TTC29: variants seen among roughly 807,000 people sequenced by gnomAD.
TTC29 encodes tetratricopeptide repeat domain 29.
In TTC29, 49 loss-of-function variants were observed where a neutral mutation model predicts 58.1. The observed-to-expected ratio is 0.84, with a 90% CI of 0.67 to 1.07. The LOEUF (loss-of-function observed/expected upper bound fraction) is 1.07, where lower values mean the gene tolerates loss of function less well. TTC29 is among the 50% of genes least tolerant of loss of function. The pLI is 0.00. For missense variants in TTC29, 582 were observed against 555.6 expected (o/e 1.05, Z -0.48); for synonymous variants, 209 against 196.8 (o/e 1.06, Z -0.52).
At chr4:146,754,370 A>G (rs1234686172) in intron 11 of TTC29, among the ~76,000 whole-genome samples, 5 of 152,108 alleles carry the variant, frequency 3.3e-5, no homozygotes, top group Admixed American at 3.3e-4. Flanking sequence ...TCTCGCAAAC[A>G]TACAAAGAAG....
chr4:146,713,556 GA>G (rs1742687298), intron 11 of TTC29, among the ~76,000 whole-genome samples: 1 of 152,098 alleles, frequency 6.6e-6, no homozygotes, highest in South Asian at 2.1e-4. Context: ...AAATAATCAA[GA>G]TGGAAACTTT....
intron 3 of TTC29, 96 bp downstream of exon 3, chr4:146,939,708 C>T: frequency 1.7e-6 from 2 of 1,183,028 alleles, no homozygotes; most frequent in Admixed American, 5.5e-5. Context: ...TTTCTCTTCT[C>T]TTGAAATGAT....
At chr4:146,893,565 G>A (rs1364086585) in intron 6 of TTC29, among the ~76,000 whole-genome samples, 1 of 151,912 alleles carries the variant, frequency 6.6e-6, no homozygotes, top group Non-Finnish European at 1.5e-5. Context: ...TGTTAGACCT[G>A]AAACCATAAA....
chr4:146,713,058 C>T (rs1370818416), intron 11 of TTC29, among the ~76,000 whole-genome samples: 1 of 149,646 alleles, frequency 6.7e-6, no homozygotes, highest in Non-Finnish European at 1.5e-5. Flanking sequence ...CTGTGTGATG[C>T]AGTCTGAAGT....
At position 146,707,502 on chromosome 4, in the gene TTC29, A is replaced by G; in HGVS notation, c.1380T>C (p.Arg460=). 6.2e-6 allele frequency: 10 copies of G among 1,610,686 alleles called. No individual in the cohort carries two copies. Among genetic ancestry groups the G allele is most frequent in the Non-Finnish European group, 8.5e-6 (10 of 1,178,784 alleles). Residue 460 remains arginine (R), a synonymous_variant, in exon 12 of 13, where the codon CGT becomes CGC. Coordinates refer to ENST00000325106, the MANE Select transcript of TTC29 (RefSeq NM_031956.4). ...TATCATACCTACTGAGTTCTTCCAAACGTTCTGAGTTTTGAGATACAGCTT... is the reference window on the plus strand; with the variant it reads ...TATCATACCTACTGAGTTCTTCCAAGCGTTCTGAGTTTTGAGATACAGCTT... ...TVEAVSQNSE[R]LEELSRFPGD...
At chr4:146,784,423 A>G (rs1022556067) in intron 11 of TTC29, among the ~76,000 whole-genome samples, 1 of 152,076 alleles carries the variant, frequency 6.6e-6, no homozygotes, top group African/African-American at 2.4e-5. Context: ...GGTAGGTGCT[A>G]TGGTGTGAAT....
chr4:146,943,499 CAGG>C (rs1270980594), intron 2 of TTC29, among the ~76,000 whole-genome samples: 2 of 152,044 alleles, frequency 1.3e-5, no homozygotes, highest in African/African-American at 4.8e-5. Flanking sequence ...AGCTTAGAGT[CAGG>C]ATGGAAGTTG....
intron 4 of TTC29, among the ~76,000 whole-genome samples, chr4:146,911,095 C>A (rs539639262): frequency 1.2e-4 from 19 of 152,248 alleles, no homozygotes; most frequent in African/African-American, 4.3e-4. Context: ...TTACCAACAT[C>A]CCTCTCCCCA....
At chr4:146,781,347 C>T (rs1748585472) in intron 11 of TTC29, among the ~76,000 whole-genome samples, 2 of 151,778 alleles carry the variant, frequency 1.3e-5, no homozygotes. Flanking sequence ...GTCATATTAA[C>T]CTCTAGAGAA....
chr4:146,889,079 T>C (rs1013843173), intron 6 of TTC29, among the ~76,000 whole-genome samples: 1 of 152,196 alleles, frequency 6.6e-6, no homozygotes, highest in African/African-American at 2.4e-5. Flanking sequence ...TCAACTCTCC[T>C]TAATTTAACC....
intron 11 of TTC29, among the ~76,000 whole-genome samples, chr4:146,728,324 G>A (rs942925137): frequency 1.3e-5 from 2 of 151,458 alleles, no homozygotes; most frequent in Admixed American, 1.3e-4. Flanking sequence ...ACGCAGCAAT[G>A]TACCATAATC....
intron 11 of TTC29, among the ~76,000 whole-genome samples, chr4:146,708,630 G>A (rs17021801): frequency 0.046 from 6,997 of 150,982 alleles, 497 homozygotes; most frequent in African/African-American, 0.14. Context: ...ATCTAATAAG[G>A]TACCGTTTAT....
chr4:146,863,234 T>C (rs766276613), intron 8 of TTC29, among the ~76,000 whole-genome samples: 1 of 152,206 alleles, frequency 6.6e-6, no homozygotes, highest in Non-Finnish European at 1.5e-5. Context: ...TTTTGCAGTT[T>C]GCAAAAATAT....
At chr4:146,808,334 G>T (rs746439232) in intron 10 of TTC29, among the ~76,000 whole-genome samples, 13 of 152,082 alleles carry the variant, frequency 8.5e-5, no homozygotes, top group Non-Finnish European at 1.6e-4. Context: ...CGGCACAAGA[G>T]AAGGATGTCC....
intron 8 of TTC29, among the ~76,000 whole-genome samples, chr4:146,847,245 G>A (rs1020975814): frequency 2.0e-5 from 3 of 152,216 alleles, no homozygotes; most frequent in African/African-American, 7.2e-5. Flanking sequence ...TAGGGGAAGC[G>A]GTGGCAATAG....
At chr4:146,795,634 T>TA (rs1310581431) in intron 11 of TTC29, among the ~76,000 whole-genome samples, 2 of 152,110 alleles carry the variant, frequency 1.3e-5, no homozygotes, top group Non-Finnish European at 2.9e-5. Context: ...ATATTTTTTC[T>TA]AAAAAACCCT....
chr4:146,763,074 AG>A lies in TTC29; in HGVS notation c.1330+40382del, dbSNP rs1178060526. Among the ~76,000 whole-genome samples the A allele has an allele frequency of 5.3e-5, 8 of 152,184 alleles. No homozygotes were observed. The East Asian group carries it at 1.5e-3, about 29-fold the overall frequency. ...AAGTACTTTGGAATTTTAGATACCC[AG>A]AACTTCTCTCACCTCTCTTTATTTT... is the stretch of plus-strand genomic sequence containing the variant. On this transcript the variant is annotated intron_variant, in intron 11 of 12. Transcript: ENST00000325106.
At chr4:146,808,103 G>A (rs1049677132) in intron 10 of TTC29, among the ~76,000 whole-genome samples, 6 of 152,088 alleles carry the variant, frequency 3.9e-5, no homozygotes, top group South Asian at 4.1e-4. Flanking sequence ...ATCAATAAAC[G>A]TAATCTCTCA....
chr4:146,870,227 G>A (rs971133658), intron 7 of TTC29, among the ~76,000 whole-genome samples: 4 of 151,914 alleles, frequency 2.6e-5, no homozygotes, highest in South Asian at 2.1e-4. Context: ...AAACTTGCAC[G>A]TATGTGGAAA....
Sources: allele counts gnomAD v4.1 joint callset (sites outside exome capture counted in the v4.1 genomes callset), GRCh38; gene constraint gnomAD v4.1.1; transcripts MANE v1.5; gene names NCBI Gene and HGNC (gene_info 2026-07-23, HGNC 2026-07-21).